CARS2: variants seen among roughly 807,000 people sequenced by gnomAD.
CARS2 encodes cysteinyl-tRNA synthetase 2, mitochondrial.
A neutral mutation model predicts 68.8 loss-of-function variants in CARS2; 52 were observed. The observed-to-expected ratio is 0.76, with a 90% confidence interval of 0.61 to 0.95. The LOEUF (loss-of-function observed/expected upper bound fraction) is 0.95. Among genes scored for constraint, CARS2 ranks in the 40% least tolerant of loss-of-function variants. The pLI is 0.00. For missense variants in CARS2, 780 were observed against 754.2 expected, an observed-to-expected ratio of 1.03 and a Z score of -0.40; for synonymous variants, 314 against 303.6, an observed-to-expected ratio of 1.03 and a Z score of -0.36.
intron 2 of CARS2, among the ~76,000 whole-genome samples, chr13:110,703,839 T>A (rs2063861473): frequency 6.6e-6 from 1 of 152,260 alleles, no homozygotes; most frequent in South Asian, 2.1e-4. Context: ...GGTTATGCTA[T>A]GGTCTGAATG....
In CARS2 at chr13:110,646,016, A is replaced by T. The variant is rs1378185352; in HGVS notation, c.1268T>A (p.Ile423Asn). The change falls in exon 12 of 15, where the codon ATC becomes AAC. Residue 423 changes from isoleucine to asparagine, a missense_variant. Coordinates refer to ENST00000257347, the MANE Select transcript of CARS2 (RefSeq NM_024537.4). ...DFDTPRVVDA[I>N]LGLAHHGNGQ... ...ATTCCCGTGGTGTGCAAGGCCCAGGATGGCATCAACCACCCTGGGTGTGTC... is the reference window on the plus strand; with the variant it reads ...ATTCCCGTGGTGTGCAAGGCCCAGGTTGGCATCAACCACCCTGGGTGTGTC... 5 of 1,613,810 alleles carry T rather than the reference A, an allele frequency of 3.1e-6. 1 individual carries two copies. In the South Asian group the frequency reaches 5.5e-5, roughly 18 times the overall value.
intron 8 of CARS2, chr13:110,666,278 A>C (rs1035865626): frequency 7.1e-6 from 7 of 985,380 alleles, no homozygotes; most frequent in Middle Eastern, 1.0e-3. Context: ...TTCTGATTAG[A>C]AACTCCACCG....
At chr13:110,672,937 C>T (rs1203941278) in intron 7 of CARS2, among the ~76,000 whole-genome samples, 2 of 152,144 alleles carry the variant, frequency 1.3e-5, no homozygotes, top group African/African-American at 4.8e-5. Context: ...ACTATAAACA[C>T]CTCTATGCAA....
Position 110,688,002 on chromosome 13 carries a change from G to T in CARS2, c.410C>A (p.Ala137Asp). The T allele has an allele frequency of 2.5e-6, 4 of 1,610,666 alleles. No homozygotes were observed. Among genetic ancestry groups the T allele is most frequent in the Non-Finnish European group, 3.4e-6 (4 of 1,178,252 alleles). The change falls in exon 4 of 15, where the codon GCT becomes GAT. Residue 137 changes from alanine (A) to aspartate (D), a missense_variant. By Grantham distance (126) the Ala-to-Asp change is moderately radical. Coordinates refer to ENST00000257347, the MANE Select transcript of CARS2 (RefSeq NM_024537.4). ...TTCCTCATAAAGACTGGCGAGGGAA[G>T]CGGGGGAAATATTCATCTGCAGAAG... is the stretch of plus-strand genomic sequence containing the variant. Reference protein sequence around the residue: ...KRANEMNISPASLASLYEEDF... With the variant: ...KRANEMNISPDSLASLYEEDF...
At chr13:110,711,568 CTAAAG>C (rs1397047555) in intron 1 of CARS2, among the ~76,000 whole-genome samples, 2 of 152,210 alleles carry the variant, frequency 1.3e-5, no homozygotes, top group South Asian at 2.1e-4. Context: ...CTTGTAGAAA[CTAAAG>C]TACTCATTTG....
At chr13:110,678,616 A>G (rs1449551597) in intron 6 of CARS2, among the ~76,000 whole-genome samples, 2 of 152,232 alleles carry the variant, frequency 1.3e-5, no homozygotes, top group East Asian at 1.9e-4. Flanking sequence ...GGCAAACGAG[A>G]GCATCAATAA....
chr13:110,641,747 C>T, intron 14 of CARS2, 139 bp from the exon 15 acceptor site: 1 of 729,490 alleles, frequency 1.4e-6, no homozygotes, highest in East Asian at 2.5e-5. Context: ...TTAGAAAGGG[C>T]CCCACTACCT....
chr13:110,680,156 G>T lies in CARS2; in HGVS notation c.655+2895C>A, dbSNP rs1001974992. The stretch of plus-strand genomic sequence containing the variant: ...GTACTTTGGGAGGCCGAGGGGGGGG[G>T]GGGGGGGGGTGGATCACCTGAGGTC... On this transcript the variant is annotated intron_variant, in intron 6 of 14. Transcript: ENST00000257347. Among the ~76,000 whole-genome samples, 30 of 121,494 alleles carry T rather than the reference G, an allele frequency of 2.5e-4. 1 individual carries two copies. Among genetic ancestry groups the T allele is most frequent in the African/African-American group, 7.0e-4 (22 of 31,284 alleles). 79.7% of individuals were successfully genotyped at this position (121,494 alleles called of 152,430 possible).
At position 110,676,437 on chromosome 13, in the gene CARS2, G is replaced by A. The variant is rs1170998314; in HGVS notation, c.785+537C>T. Among the ~76,000 whole-genome samples, 2 of 152,194 alleles carry A rather than the reference G, an allele frequency of 1.3e-5. No homozygotes were observed. Among genetic ancestry groups the A allele is most frequent in the Admixed American group, 1.3e-4 (2 of 15,288 alleles). On this transcript the variant is annotated intron_variant, in intron 7 of 14. Transcript: ENST00000257347. The surrounding 1 kb of genome is among the most constrained non-coding windows in gnomAD (Gnocchi z 4.0). ...CAGTGTCGTGTGACTGAGTGGGGGC[G>A]GCAGGCAGCTGCGGTCCCAGGCAGA...
Position 110,705,422 on chromosome 13 carries a change from A to G in CARS2, c.275+99T>C. 1 of 783,152 alleles carries G rather than the reference A, an allele frequency of 1.3e-6. No individual in the cohort carries two copies. The highest frequency in any genetic ancestry group is 1.8e-5 in the South Asian group (1 of 56,456). 48.5% of individuals were successfully genotyped at this position (783,152 alleles called of 1,614,324 possible). A position where few individuals can be genotyped will look rare whatever the true frequency, so the allele number is the denominator to read the frequency against. On this transcript the variant is annotated intron_variant, in intron 2 of 14. Coordinates refer to ENST00000257347, the MANE Select transcript of CARS2 (RefSeq NM_024537.4). The surrounding 1 kb of genome is among the most constrained non-coding windows in gnomAD (Gnocchi z 4.0). ...GCCTGGAATGTAGGAATTATTCTGC[A>G]TCCCTAAGTTGCCACTTAAGAGATA...
rs868697074 is a variant in CARS2, at chr13:110,664,248, C to T, written c.920-730G>A. On this transcript the variant is annotated intron_variant, in intron 8 of 14. Coordinates refer to ENST00000257347, the MANE Select transcript of CARS2 (RefSeq NM_024537.4). ...CAGGCCGGACGCAGTGGCTCACACC[C>T]GTAATACCAGCCCTTTGGGAGGCTA... is the stretch of plus-strand genomic sequence containing the variant. 27 of 964,068 alleles carry T rather than the reference C, an allele frequency of 2.8e-5. No homozygotes were observed. In the African/African-American group the frequency reaches 3.0e-4, roughly 11 times the overall value. The allele number at this position is 964,068 out of a possible 1,614,324, so 59.7% of individuals were successfully genotyped here. A position where few individuals can be genotyped will look rare whatever the true frequency, so the allele number is the denominator to read the frequency against.
At chr13:110,698,541 A>C (rs1431598233) in intron 3 of CARS2, among the ~76,000 whole-genome samples, 1 of 151,936 alleles carries the variant, frequency 6.6e-6, no homozygotes, top group Admixed American at 6.6e-5. Flanking sequence ...AAATCCAGCA[A>C]GTTTTTTTTA....
At position 110,647,086 on chromosome 13, in the gene CARS2, A is replaced by G. The variant is rs1888231554; in HGVS notation, c.1193+15T>C. ...CAGGAGGGGTGCCACGCCGGGTGCT[A>G]GGCGGGCCTCTTACCTCTCCCACAG... On this transcript the variant is annotated intron_variant, in intron 11 of 14. Transcript: ENST00000257347. 2 of 1,561,332 alleles carry G rather than the reference A, an allele frequency of 1.3e-6. No homozygotes were observed. The highest frequency in any genetic ancestry group is 1.7e-6 in the Non-Finnish European group (2 of 1,153,778).
intron 13 of CARS2, chr13:110,642,957 G>T: frequency 2.7e-6 from 1 of 376,372 alleles, no homozygotes; most frequent in Non-Finnish European, 5.2e-6. Flanking sequence ...CAGGTGCTGA[G>T]GACGGGATTT....
intron 3 of CARS2, among the ~76,000 whole-genome samples, chr13:110,693,680 C>T (rs971139750): frequency 6.6e-6 from 1 of 151,922 alleles, no homozygotes; most frequent in East Asian, 1.9e-4. Flanking sequence ...TTCTAAAAGT[C>T]AAACTGCTTG....
intron 6 of CARS2, among the ~76,000 whole-genome samples, chr13:110,682,348 T>C (rs2063181106): frequency 6.6e-6 from 1 of 152,240 alleles, no homozygotes; most frequent in African/African-American, 2.4e-5. Context: ...GCGTCTGTGT[T>C]CCGGCCTGTG....
At chr13:110,645,530 A>G (rs1331757354) in intron 12 of CARS2, 2 of 153,090 alleles carry the variant, frequency 1.3e-5, no homozygotes, top group Non-Finnish European at 2.9e-5. Context: ...ACTTGCAGTG[A>G]CCCACGAGTC....
intron 1 of CARS2, chr13:110,712,737 C>T (rs892319082): frequency 1.4e-6 from 1 of 699,738 alleles, no homozygotes; most frequent in Non-Finnish European, 2.6e-6. Context: ...GGGGAGCGGC[C>T]TCCGAGAACG....
At chr13:110,663,329 TAAGA>T (rs2139747731) in intron 9 of CARS2, 118 bp downstream of exon 9, 1 of 981,770 alleles carries the variant, frequency 1.0e-6, no homozygotes, top group Non-Finnish European at 1.5e-6. Flanking sequence ...GGTCTCGTCA[TAAGA>T]AAGGGGCCAG....
Sources: allele counts gnomAD v4.1 joint callset (sites outside exome capture counted in the v4.1 genomes callset), GRCh38; gene constraint gnomAD v4.1.1; non-coding constraint Gnocchi (gnomAD v3.1); transcripts MANE v1.5; gene names NCBI Gene and HGNC (gene_info 2026-07-23, HGNC 2026-07-21).